The following PDE4D variants were observed in gnomAD, a reference collection of about 807,000 sequenced individuals.
The protein encoded by PDE4D is phosphodiesterase 4D, also known as 3',5'-cyclic-AMP phosphodiesterase 4D.
PDE4D carries 24 observed loss-of-function variants against 87.4 expected under a neutral mutation model. The ratio of observed to expected loss-of-function variants is 0.27; its 90% CI spans 0.20 to 0.39. The LOEUF (loss-of-function observed/expected upper bound fraction) is 0.39. Among genes scored for constraint, PDE4D ranks in the 10% least tolerant of loss-of-function variants. The pLI, the probability that PDE4D is intolerant of heterozygous loss-of-function variation, is 1.00. For synonymous variants in PDE4D, 384 were observed against 383.2 expected (o/e 1.00, Z -0.02); for missense variants, 714 against 1,041.0 (o/e 0.69, Z 4.32).
At chr5:59,364,867 A>ACCTT (rs146907247) in intron 1 of PDE4D, among the ~76,000 whole-genome samples, 10 of 148,302 alleles carry the variant, frequency 6.7e-5, no homozygotes, top group Admixed American at 5.4e-4. Flanking sequence ...CTTCCTACCT[A>ACCTT]CCTTCCTTCC....
At chr5:60,207,257 G>A (rs1179835819) in intron 1 of PDE4D, among the ~76,000 whole-genome samples, 1 of 152,190 alleles carries the variant, frequency 6.6e-6, no homozygotes, top group Non-Finnish European at 1.5e-5. Context: ...TTTGTTACAG[G>A]CAGCTGAGGT....
chr5:59,167,447 C>T (rs62357966), intron 5 of PDE4D, among the ~76,000 whole-genome samples: 13,777 of 152,170 alleles, frequency 0.091, 761 homozygotes, highest in African/African-American at 0.15. Flanking sequence ...CTCGGTTTCA[C>T]GACCAGTTCT....
chr5:59,275,968 T>C (rs1266064022), intron 1 of PDE4D: 9 of 985,238 alleles, frequency 9.1e-6, no homozygotes, highest in Non-Finnish European at 1.1e-5. Flanking sequence ...TGGGCTGATT[T>C]ACCTGCGAAA....
At chr5:59,084,445 A>G (rs1580714147) in intron 5 of PDE4D, among the ~76,000 whole-genome samples, 1 of 152,144 alleles carries the variant, frequency 6.6e-6, no homozygotes, top group South Asian at 2.1e-4. Context: ...CAATATAAAC[A>G]TACAGGCTAC....
intron 1 of PDE4D, among the ~76,000 whole-genome samples, chr5:60,210,310 AT>A (rs757021519): frequency 3.9e-5 from 6 of 152,040 alleles, no homozygotes; most frequent in Non-Finnish European, 7.4e-5. Context: ...CAAGCTTTTG[AT>A]TTTTTGATTT....
At chr5:59,200,692 T>C (rs35490549) in intron 2 of PDE4D, among the ~76,000 whole-genome samples, 1,762 of 92,616 alleles carry the variant, frequency 0.019, 54 homozygotes, top group Non-Finnish European at 0.028. Flanking sequence ...TACATACATA[T>C]GTGTATGTAT....
At chr5:59,759,685 A>AC (rs1305674246) in intron 1 of PDE4D, among the ~76,000 whole-genome samples, 1 of 152,160 alleles carries the variant, frequency 6.6e-6, no homozygotes, top group Non-Finnish European at 1.5e-5. Context: ...ACAGAGGGCA[A>AC]CAGCCAGTTA....
intron 2 of PDE4D, among the ~76,000 whole-genome samples, chr5:60,124,384 G>A (rs1161621385): frequency 1.3e-5 from 2 of 151,950 alleles, no homozygotes; most frequent in Admixed American, 6.6e-5. Context: ...GCTTACAGAT[G>A]ATTATTTCAC....
intron 1 of PDE4D, among the ~76,000 whole-genome samples, chr5:59,266,665 G>T (rs1301198850): frequency 6.6e-6 from 1 of 151,826 alleles, no homozygotes; most frequent in African/African-American, 2.4e-5. Flanking sequence ...ACAAATCTTG[G>T]GGGGAAAGGC....
intron 1 of PDE4D, among the ~76,000 whole-genome samples, chr5:59,792,452 G>T (rs546501349): frequency 1.6e-5 from 2 of 127,140 alleles, no homozygotes; most frequent in African/African-American, 5.5e-5. Flanking sequence ...TGAGGAAGTG[G>T]GCATGGAGTG....
intron 1 of PDE4D, among the ~76,000 whole-genome samples, chr5:59,764,458 A>C (rs887704397): frequency 1.3e-5 from 2 of 152,170 alleles, no homozygotes; most frequent in African/African-American, 4.8e-5. Context: ...AATGCAAAGT[A>C]AGAATTTAAG....
At chr5:59,346,103 G>A (rs888872067) in intron 1 of PDE4D, among the ~76,000 whole-genome samples, 2 of 151,260 alleles carry the variant, frequency 1.3e-5, no homozygotes, top group Admixed American at 6.6e-5. Context: ...AATAAAATAA[G>A]AGTTTATATT....
intron 1 of PDE4D, among the ~76,000 whole-genome samples, chr5:59,442,658 G>A (rs1797811810): frequency 6.6e-6 from 1 of 152,150 alleles, no homozygotes; most frequent in Admixed American, 6.5e-5. Flanking sequence ...CTTCTCTTAG[G>A]AAATATAAAA....
chr5:59,176,708 C>A (rs946335381), intron 5 of PDE4D, among the ~76,000 whole-genome samples: 3 of 152,234 alleles, frequency 2.0e-5, no homozygotes, highest in African/African-American at 7.2e-5. Context: ...CTTAACTCTT[C>A]TTTTTTAAAA....
intron 1 of PDE4D, among the ~76,000 whole-genome samples, chr5:59,873,439 G>C (rs941507229): frequency 6.6e-6 from 1 of 152,178 alleles, no homozygotes; most frequent in Admixed American, 6.5e-5. Context: ...AGTGGGATTT[G>C]CCACTCCAAC....
At chr5:59,787,977 C>T (rs1765353913) in intron 1 of PDE4D, among the ~76,000 whole-genome samples, 1 of 152,274 alleles carries the variant, frequency 6.6e-6, no homozygotes, top group South Asian at 2.1e-4. Context: ...CATAGAAAAT[C>T]ATCCACAGAT....
chr5:60,069,586 T>G (rs1772489254), intron 2 of PDE4D, among the ~76,000 whole-genome samples: 1 of 152,192 alleles, frequency 6.6e-6, no homozygotes, highest in Non-Finnish European at 1.5e-5. Context: ...TTGATCTCTG[T>G]GGTTTTGCAA....
chr5:59,604,775 AG>A lies in PDE4D; in HGVS notation c.455+288392del, dbSNP rs556667911. Among the ~76,000 whole-genome samples the A allele has an allele frequency of 1.8e-4, 28 of 152,116 alleles. 1 individual carries two copies. In the South Asian group the frequency reaches 5.4e-3, roughly 29 times the overall value. On this transcript the variant is annotated intron_variant, in intron 1 of 14. Coordinates refer to ENST00000340635, the MANE Select transcript of PDE4D (RefSeq NM_001104631.2). ...AAAGACTAAAAATATGCAGATTGTG[AG>A]GGGGTGGGAAACAGTACACCCATAC...
intron 1 of PDE4D, among the ~76,000 whole-genome samples, chr5:59,677,223 G>C (rs968628133): frequency 5.9e-5 from 9 of 151,816 alleles, no homozygotes; most frequent in African/African-American, 1.9e-4. Flanking sequence ...TGTACAGAAA[G>C]GCAAATGCTG....
Sources: gnomAD v4.1 joint callset for allele counts (sites outside exome capture counted in the v4.1 genomes callset) on GRCh38, gnomAD v4.1.1 for gene constraint, MANE v1.5 for transcripts, NCBI Gene and HGNC (gene_info 2026-07-23, HGNC 2026-07-21) for gene names.